Variants in PLB1 observed in about 807,000 individuals in gnomAD.
PLB1 encodes the protein phospholipase B1, also known as phospholipase B1, membrane-associated.
A neutral mutation model predicts 227.4 loss-of-function variants in PLB1; 242 were observed. That is an observed-to-expected ratio of 1.06 (90% CI 0.96 to 1.18). The LOEUF (loss-of-function observed/expected upper bound fraction) is 1.18, where lower values mean the gene tolerates loss of function less well. Among genes scored for constraint, PLB1 ranks in the 50% most tolerant of loss-of-function variants. The pLI is 0.00. For synonymous variants in PLB1, 757 were observed against 682.2 expected (o/e 1.11, Z -1.71); for missense variants, 1,858 against 1,816.3 (o/e 1.02, Z -0.42).
intron 17 of PLB1, among the ~76,000 whole-genome samples, chr2:28,558,586 C>T (rs1675525025): frequency 6.6e-6 from 1 of 152,174 alleles, no homozygotes; most frequent in Non-Finnish European, 1.5e-5. Flanking sequence ...TATTGTTCTT[C>T]TAACCACATG....
At chr2:28,586,048 ATGACCCAC>A (rs948494124) in intron 26 of PLB1, among the ~76,000 whole-genome samples, 1 of 152,236 alleles carries the variant, frequency 6.6e-6, no homozygotes, top group African/African-American at 2.4e-5. Context: ...GTCCCTGAAC[ATGACCCAC>A]TGAATCTCAG....
chr2:28,538,989 G>T (rs1321818945), intron 10 of PLB1, 110 bp from the exon 11 acceptor site: 2 of 813,928 alleles, frequency 2.5e-6, no homozygotes, highest in Non-Finnish European at 4.3e-6. Flanking sequence ...CCAAGGGGAG[G>T]CCCATCACAC....
chr2:28,532,892 G>T (rs1245542540), intron 9 of PLB1, among the ~76,000 whole-genome samples: 1 of 152,152 alleles, frequency 6.6e-6, no homozygotes, highest in East Asian at 1.9e-4. Flanking sequence ...GAATATCTAT[G>T]ACTTAAGTCT....
At chr2:28,535,080 A>C (rs544357495) in intron 9 of PLB1, among the ~76,000 whole-genome samples, 48 of 152,304 alleles carry the variant, frequency 3.2e-4, no homozygotes, top group Non-Finnish European at 6.0e-4. Context: ...TTTTGTCAAC[A>C]TGAGAAATTC....
intron 26 of PLB1, among the ~76,000 whole-genome samples, chr2:28,587,861 A>G (rs1268092048): frequency 2.6e-5 from 4 of 152,180 alleles, no homozygotes; most frequent in South Asian, 4.1e-4. Flanking sequence ...GCTGCTCTCT[A>G]TGCAGTGGGG....
rs181729321 is a variant in PLB1, at chr2:28,531,472, C to T, written c.469-636C>T. The stretch of plus-strand genomic sequence containing the variant: ...GATTACAGGCATGTGCCACCATGCC[C>T]GGCTAATTTTGTATTTTTAATAGAG... On this transcript the variant is annotated intron_variant, in intron 8 of 57. Transcript: ENST00000327757. Among the ~76,000 whole-genome samples the T allele has an allele frequency of 7.6e-3, 1,150 of 152,142 alleles. 13 individuals are homozygous for T. The highest frequency in any genetic ancestry group is 0.026 in the African/African-American group (1,067 of 41,494).
intron 1 of PLB1, among the ~76,000 whole-genome samples, chr2:28,498,051 C>T (rs1666673494): frequency 6.6e-6 from 1 of 151,616 alleles, no homozygotes; most frequent in African/African-American, 2.4e-5. Context: ...TTAAATCTTC[C>T]TTTATGGTTT....
At chr2:28,632,647 G>A (rs528095945) in intron 55 of PLB1, among the ~76,000 whole-genome samples, 130 of 152,194 alleles carry the variant, frequency 8.5e-4, no homozygotes, top group African/African-American at 3.0e-3. Flanking sequence ...AGTTAGCTGG[G>A]CGTGATGGCA....
At chr2:28,565,430 C>A in intron 19 of PLB1, 77 bp downstream of exon 19, 1 of 1,347,380 alleles carries the variant, frequency 7.4e-7, no homozygotes, top group Non-Finnish European at 1.0e-6. Context: ...TTCTAGAAAA[C>A]AACGCCTTAA....
chr2:28,597,667 A>T (rs1683182617), intron 33 of PLB1, among the ~76,000 whole-genome samples: 2 of 152,222 alleles, frequency 1.3e-5, no homozygotes, highest in Admixed American at 1.3e-4. Flanking sequence ...TGTAAAATGG[A>T]CATAGTCACA....
intron 35 of PLB1, 81 bp downstream of exon 35, chr2:28,598,841 C>A: frequency 1.6e-6 from 2 of 1,261,164 alleles, no homozygotes; most frequent in Non-Finnish European, 2.3e-6. Flanking sequence ...TGGGGCTGGC[C>A]TCTATGTGCA....
At chr2:28,612,889 G>T (rs956378143) in intron 43 of PLB1, among the ~76,000 whole-genome samples, 1 of 150,528 alleles carries the variant, frequency 6.6e-6, no homozygotes, top group Non-Finnish European at 1.5e-5. Flanking sequence ...AAGTGCTGGG[G>T]TTACAGGTGT....
intron 1 of PLB1, 142 bp downstream of exon 1, chr2:28,496,311 T>C: frequency 1.1e-6 from 1 of 873,220 alleles, no homozygotes; most frequent in Non-Finnish European, 1.7e-6. Context: ...ATAAGAAGTC[T>C]GGTTTGCCTC....
intron 17 of PLB1, among the ~76,000 whole-genome samples, chr2:28,556,949 G>T (rs542022744): frequency 1.6e-4 from 24 of 152,096 alleles, no homozygotes; most frequent in Non-Finnish European, 3.2e-4. Context: ...CCGGGTTACA[G>T]CACTGGGTGG....
intron 45 of PLB1, 119 bp from the exon 46 acceptor site, chr2:28,618,222 G>C: frequency 2.1e-6 from 2 of 965,268 alleles, no homozygotes; most frequent in East Asian, 4.8e-5. Flanking sequence ...AAAGCCTTAA[G>C]CTGAAAATAA....
chr2:28,526,111 A>G (rs948716322), intron 6 of PLB1, among the ~76,000 whole-genome samples, 166 bp downstream of exon 6: 1 of 152,204 alleles, frequency 6.6e-6, no homozygotes, highest in Admixed American at 6.5e-5. Flanking sequence ...CAGGATATGA[A>G]AAATCACAAA....
intron 20 of PLB1, among the ~76,000 whole-genome samples, chr2:28,572,544 C>T (rs1678184895): frequency 6.6e-6 from 1 of 152,190 alleles, no homozygotes; most frequent in South Asian, 2.1e-4. Flanking sequence ...TGTGGTATAT[C>T]CATCCAGTGG....
chr2:28,496,448 C>T (rs1254122280), intron 1 of PLB1, among the ~76,000 whole-genome samples: 1 of 152,116 alleles, frequency 6.6e-6, no homozygotes, highest in African/African-American at 2.4e-5. Context: ...AAAAAAAACC[C>T]CTGGATTCTA....
intron 39 of PLB1, among the ~76,000 whole-genome samples, chr2:28,603,239 A>G (rs186935005): frequency 2.0e-5 from 3 of 152,330 alleles, no homozygotes; most frequent in South Asian, 4.1e-4. Flanking sequence ...AGGGAAGTAG[A>G]CATATGTGGT....
Sources: gnomAD v4.1 joint callset for allele counts (sites outside exome capture counted in the v4.1 genomes callset) on GRCh38, gnomAD v4.1.1 for gene constraint, MANE v1.5 for transcripts, NCBI Gene and HGNC (gene_info 2026-07-23, HGNC 2026-07-21) for gene names.